UHRF2: variants seen among roughly 807,000 people sequenced by gnomAD.
UHRF2 encodes E3 ubiquitin-protein ligase UHRF2.
UHRF2 carries 23 observed loss-of-function variants against 96.8 expected under a neutral mutation model. The ratio of observed to expected loss-of-function variants is 0.24; its 90% CI spans 0.17 to 0.34. The LOEUF is 0.34. Ranked by LOEUF, UHRF2 falls within the 10% of genes least tolerant of loss-of-function variation. UHRF2 has a pLI of 1.00. For synonymous variants in UHRF2, 385 were observed against 332.6 expected, an observed-to-expected ratio of 1.16 and a Z score of -1.72; for missense variants, 685 against 981.5, an observed-to-expected ratio of 0.70 and a Z score of 4.04.
At chr9:6,494,754 C>A (rs1824865221) in intron 10 of UHRF2, 1 of 152,088 alleles carries the variant, frequency 6.6e-6, no homozygotes, top group South Asian at 2.1e-4. Flanking sequence ...GAGTGTTTTT[C>A]ACTTTGAGTC....
At chr9:6,485,796 C>G (rs115208364) in intron 8 of UHRF2, among the ~76,000 whole-genome samples, 2,043 of 121,280 alleles carry the variant, frequency 0.017, 54 homozygotes, top group African/African-American at 0.061. Flanking sequence ...AGACCCCTGT[C>G]TCTACCCAAA....
At chr9:6,440,207 A>G (rs1165891890) in intron 3 of UHRF2, among the ~76,000 whole-genome samples, 1 of 152,214 alleles carries the variant, frequency 6.6e-6, no homozygotes, top group Non-Finnish European at 1.5e-5. Context: ...CTTGAAGGGC[A>G]GTCATTTCAT....
intron 3 of UHRF2, chr9:6,434,416 G>T (rs1451168439): frequency 1.1e-5 from 4 of 367,046 alleles, no homozygotes; most frequent in Non-Finnish European, 1.4e-5. Flanking sequence ...AGGGTGTATG[G>T]GTTTCTGTTT....
At chr9:6,487,185 T>TATTTTTTATTTTTTTTA (rs1563799233) in intron 9 of UHRF2, among the ~76,000 whole-genome samples, 3 of 117,082 alleles carry the variant, frequency 2.6e-5, no homozygotes, top group African/African-American at 1.1e-4. Flanking sequence ...TTTTTTCCTT[T>TATTTTTTATTTTTTTTA]TTTTTTTTTT....
chr9:6,464,452 C>A (rs946275205), intron 4 of UHRF2, among the ~76,000 whole-genome samples: 18 of 152,054 alleles, frequency 1.2e-4, no homozygotes, highest in Admixed American at 1.2e-3. Context: ...TATCAAAGTT[C>A]AAGAAAGTTT....
intron 6 of UHRF2, among the ~76,000 whole-genome samples, chr9:6,479,956 T>A (rs1430507963): frequency 1.3e-5 from 2 of 152,188 alleles, no homozygotes; most frequent in Non-Finnish European, 2.9e-5. Context: ...AGCAGCAGAA[T>A]GAGCTTAAAA....
intron 2 of UHRF2, among the ~76,000 whole-genome samples, chr9:6,431,078 A>T (rs1303379683): frequency 2.0e-5 from 3 of 152,294 alleles, no homozygotes; most frequent in Non-Finnish European, 4.4e-5. Flanking sequence ...TATTAATCAT[A>T]CAGGCCTAAG....
In UHRF2 at chr9:6,504,015, C is replaced by CTT. The variant is rs35325264; in HGVS notation, c.2164-551_2164-550dup. 8.2e-3 allele frequency among the ~76,000 whole-genome samples: 649 copies of CTT among 78,928 alleles called. 105 individuals are homozygous for CTT. Among genetic ancestry groups the CTT allele is most frequent in the African/African-American group, 0.033 (560 of 16,774 alleles). The allele number at this position is 78,928 out of a possible 152,430, so 51.8% of individuals were successfully genotyped here. Reference sequence around the variant, plus strand: ...GTACTTGATTTTTTTAAATAGAAGACTTTTTTTTTTTTTTTTTTTTTTTTT... The same window carrying CTT: ...GTACTTGATTTTTTTAAATAGAAGACTTTTTTTTTTTTTTTTTTTTTTTTTTT... On this transcript the variant is annotated intron_variant, in intron 14 of 15. Coordinates refer to ENST00000276893, the MANE Select transcript of UHRF2 (RefSeq NM_152896.3).
chr9:6,424,728 G>C (rs903498447), intron 2 of UHRF2, among the ~76,000 whole-genome samples: 1 of 148,032 alleles, frequency 6.8e-6, no homozygotes, highest in Non-Finnish European at 1.5e-5. Flanking sequence ...ACTATACTGT[G>C]TGTAGTTTTT....
At chr9:6,473,496 A>G (rs1823375414) in intron 4 of UHRF2, among the ~76,000 whole-genome samples, 1 of 152,234 alleles carries the variant, frequency 6.6e-6, no homozygotes, top group Non-Finnish European at 1.5e-5. Context: ...TCTAATCCCC[A>G]AAGAATTAAT....
chr9:6,484,743 T>C (rs1824160230), intron 8 of UHRF2: 1 of 150,618 alleles, frequency 6.6e-6, no homozygotes, highest in Admixed American at 6.6e-5. Context: ...ATAATGTATT[T>C]ATACTGTTTT....
intron 5 of UHRF2, among the ~76,000 whole-genome samples, chr9:6,476,771 T>G (rs1160042437): frequency 6.6e-6 from 1 of 152,070 alleles, no homozygotes; most frequent in Non-Finnish European, 1.5e-5. Context: ...ACTTTTGTAT[T>G]TTTAGCAGGG....
At chr9:6,463,005 G>C (rs1639371661) in intron 4 of UHRF2, among the ~76,000 whole-genome samples, 1 of 152,128 alleles carries the variant, frequency 6.6e-6, no homozygotes, top group Admixed American at 6.5e-5. Flanking sequence ...GAGTGGGCCA[G>C]GTGCCGTGGC....
intron 3 of UHRF2, among the ~76,000 whole-genome samples, chr9:6,447,769 A>G (rs1821605295): frequency 6.6e-6 from 1 of 152,202 alleles, no homozygotes; most frequent in Non-Finnish European, 1.5e-5. Flanking sequence ...AAGGCACAAC[A>G]CTAATTAACA....
intron 4 of UHRF2, 89 bp downstream of exon 4, chr9:6,460,880 A>G: frequency 9.8e-7 from 1 of 1,025,464 alleles, no homozygotes; most frequent in Admixed American, 3.2e-5. Flanking sequence ...CTTAGTAAAA[A>G]AAGATGGAGT....
intron 3 of UHRF2, among the ~76,000 whole-genome samples, chr9:6,443,567 C>G (rs553048): frequency 0.96 from 146,062 of 152,304 alleles, 70,066 homozygotes; most frequent in East Asian, 1. Flanking sequence ...TTAAAAATTT[C>G]TGTTTATCTC....
At chr9:6,414,794 T>C (rs1021802428) in intron 1 of UHRF2, among the ~76,000 whole-genome samples, 3 of 152,206 alleles carry the variant, frequency 2.0e-5, no homozygotes, top group Non-Finnish European at 2.9e-5. Flanking sequence ...AATTACACTT[T>C]GGGAAGGAGA....
At chr9:6,453,938 A>T (rs1042627908) in intron 3 of UHRF2, among the ~76,000 whole-genome samples, 19 of 152,116 alleles carry the variant, frequency 1.2e-4, no homozygotes, top group African/African-American at 4.6e-4. Flanking sequence ...TGAAATGGAG[A>T]AGAGTAGAAC....
rs372105977 is a variant in UHRF2 at position 6,498,004 on chromosome 9, A to T, written c.1768-14A>T. ...TTTTAAATCTCAAACTGGCACTGAAATATTGTGATTTAGGTGGTGAAATAC... is the reference window on the plus strand; with the variant it reads ...TTTTAAATCTCAAACTGGCACTGAATTATTGTGATTTAGGTGGTGAAATAC... On this transcript the variant is annotated splice_polypyrimidine_tract_variant and intron_variant, in intron 11 of 15. Coordinates refer to ENST00000276893, the MANE Select transcript of UHRF2 (RefSeq NM_152896.3). 9.9e-6 allele frequency: 16 copies of T among 1,610,994 alleles called. No individual in the cohort carries two copies. The highest frequency in any genetic ancestry group is 4.2e-6 in the Non-Finnish European group (5 of 1,179,576).
Sources: gnomAD v4.1 joint callset for allele counts (sites outside exome capture counted in the v4.1 genomes callset) on GRCh38, gnomAD v4.1.1 for gene constraint, MANE v1.5 for transcripts, NCBI Gene and HGNC (gene_info 2026-07-23, HGNC 2026-07-21) for gene names.